The following EML2 variants were observed in gnomAD, a reference collection of about 807,000 sequenced individuals.
The protein encoded by EML2 is EMAP like 2, also known as echinoderm microtubule-associated protein-like 2.
In EML2, 59 loss-of-function variants were observed where a neutral mutation model predicts 84.7. The ratio of observed to expected loss-of-function variants is 0.70; its 90% confidence interval spans 0.56 to 0.86. The LOEUF is 0.86. Among genes scored for constraint, EML2 ranks in the 40% least tolerant of loss-of-function variants. The probability of loss-of-function intolerance (pLI) is 0.00; values close to 1 mark genes in which losing one functional copy is unlikely to be tolerated. For missense variants in EML2, 818 were observed against 855.6 expected (o/e 0.96, Z 0.55); for synonymous variants, 352 against 348.9 (o/e 1.01, Z -0.10).
chr19:45,621,208 T>C lies in EML2; in HGVS notation c.1121A>G (p.Gln374Arg). Reference protein sequence around the residue: ...SVHTGFSLLVQGHVEELWGLA... With the variant: ...SVHTGFSLLVRGHVEELWGLA... ...GGGGTGCAGAGGAGAGAGGCGCACC[T>C]GGACCAGCAGTGAGAAGCCTGTGTG... Residue 374 changes from glutamine to arginine, a missense_variant and splice_region_variant, in exon 11 of 19, where the codon CAG (glutamine) becomes CGG (arginine). Gln to Arg is a conservative substitution (Grantham distance 43). Transcript: ENST00000245925. 6.2e-7 allele frequency: 1 copy of C among 1,613,588 alleles called. No homozygotes were observed. Among genetic ancestry groups the C allele is most frequent in the South Asian group, 1.1e-5 (1 of 91,074 alleles).
chr19:45,613,789 G>A, intron 17 of EML2, 118 bp from the exon 18 acceptor site: 1 of 1,278,302 alleles, frequency 7.8e-7, no homozygotes, highest in Non-Finnish European at 1.1e-6. Context: ...ATCTATCCGA[G>A]GATATGAGTC....
chr19:45,632,172 C>T (rs1189891915), intron 6 of EML2, among the ~76,000 whole-genome samples: 2 of 144,202 alleles, frequency 1.4e-5, no homozygotes, highest in Admixed American at 7.1e-5. Context: ...GGATTACAGG[C>T]GTGAGCCACT....
rs376483984 is a variant in EML2 at position 45,630,619 on chromosome 19, T to A, written c.511-573A>T. Among the ~76,000 whole-genome samples the A allele has an allele frequency of 1.6e-4, 24 of 150,188 alleles. 1 individual carries two copies. In the East Asian group the frequency reaches 3.2e-3, roughly 20 times the overall value. On this transcript the variant is annotated intron_variant, in intron 6 of 18. Transcript: ENST00000245925. Reference sequence around the variant, plus strand: ...GCAGGAAACACATTAAAATACACCCTCCATTAGAAGCTGTGAAGACATCTG... The same window carrying A: ...GCAGGAAACACATTAAAATACACCCACCATTAGAAGCTGTGAAGACATCTG...
chr19:45,644,815 A>G, upstream of EML2: 2 of 456,186 alleles, frequency 4.4e-6, no homozygotes, highest in Non-Finnish European at 8.8e-6. Context: ...TTTGGGAGGT[A>G]TCCTAGAAGC....
intron 14 of EML2, 38 bp downstream of exon 14, chr19:45,616,727 T>C (rs1353102254): frequency 1.3e-6 from 2 of 1,584,822 alleles, no homozygotes. Flanking sequence ...CTCTGTCCCC[T>C]GGCCCTGCCG....
intron 4 of EML2, 73 bp downstream of exon 4, chr19:45,634,249 G>C: frequency 6.3e-7 from 1 of 1,592,416 alleles, no homozygotes. Flanking sequence ...GTGAAAAGAG[G>C]CATAGAGGGG....
chr19:45,631,357 C>T (rs1973004622), intron 6 of EML2, among the ~76,000 whole-genome samples: 1 of 152,076 alleles, frequency 6.6e-6, no homozygotes, highest in Admixed American at 6.6e-5. Context: ...CTCCCTAATC[C>T]ATTGAAGACT....
chr19:45,641,601 C>T (rs544019357), upstream of EML2: 2 of 1,525,404 alleles, frequency 1.3e-6, no homozygotes, highest in Admixed American at 2.0e-5. Flanking sequence ...CCATTTCCTC[C>T]CTATCTCTTT....
Position 45,638,399 on chromosome 19 carries a change from A to G in EML2, c.179+106T>C, listed in dbSNP as rs911652796. On this transcript the variant is annotated intron_variant, in intron 3 of 18. Coordinates refer to ENST00000245925, the MANE Select transcript of EML2 (RefSeq NM_012155.4). ...GCAGGTCTCAAACTCTTGGCCTCAA[A>G]CGATCCTCCCAAAGTGCTGAGATTA... is the stretch of plus-strand genomic sequence containing the variant. 11 of 1,539,732 alleles carry G rather than the reference A, an allele frequency of 7.1e-6. No homozygotes were observed. In the South Asian group the frequency reaches 1.2e-4, roughly 17 times the overall value.
At chr19:45,626,947 C>A in intron 7 of EML2, 108 bp from the exon 8 acceptor site, 11 of 951,626 alleles carry the variant, frequency 1.2e-5, no homozygotes, top group Non-Finnish European at 1.6e-5. Context: ...GTATGCTGCA[C>A]ACCTGAACTT....
upstream of EML2, chr19:45,645,221 G>A (rs1247516009): frequency 2.6e-6 from 4 of 1,509,800 alleles, no homozygotes; most frequent in Admixed American, 4.3e-5. Flanking sequence ...GGCAAGAAGA[G>A]ATGGGTCCAG....
At chr19:45,613,104 G>A (rs1970663312) in intron 18 of EML2, among the ~76,000 whole-genome samples, 1 of 152,048 alleles carries the variant, frequency 6.6e-6, no homozygotes, top group Non-Finnish European at 1.5e-5. Context: ...TCACTTTGTT[G>A]CCCAGGCTGG....
chr19:45,634,892 C>T (rs1253524464), intron 3 of EML2, among the ~76,000 whole-genome samples: 1 of 151,864 alleles, frequency 6.6e-6, no homozygotes, highest in African/African-American at 2.4e-5. Context: ...CGCTCTGTCT[C>T]CAGGCAGCAG....
intron 12 of EML2, among the ~76,000 whole-genome samples, chr19:45,618,533 C>G (rs1051675952): frequency 2.6e-5 from 4 of 152,086 alleles, no homozygotes; most frequent in Non-Finnish European, 5.9e-5. Context: ...TGGCGGCACC[C>G]CTGACAGGAT....
At chr19:45,639,516 T>A (rs369194579), upstream of EML2, 416 of 863,188 alleles carry the variant, frequency 4.8e-4, 3 homozygotes, top group African/African-American at 6.1e-3. Context: ...TCCCACCGGG[T>A]CACACATCCC....
chr19:45,633,384 G>A (rs995947242), intron 4 of EML2, among the ~76,000 whole-genome samples: 1 of 152,036 alleles, frequency 6.6e-6, no homozygotes, highest in Non-Finnish European at 1.5e-5. Context: ...TAGTGGCCAG[G>A]AGAGCACACT....
At chr19:45,613,732 A>T (rs111973634) in intron 17 of EML2, 61 bp from the exon 18 acceptor site, 2 of 1,582,132 alleles carry the variant, frequency 1.3e-6, no homozygotes, top group Admixed American at 3.5e-5. Flanking sequence ...CGCCAAGAGG[A>T]GCAGATTGCC....
In EML2 at chr19:45,614,556, C is replaced by A. The variant is rs562299343; in HGVS notation, c.1693+49G>T. On this transcript the variant is annotated intron_variant, in intron 17 of 18. Transcript: ENST00000245925. ...CTCTGGAAACCACCAGCGGGGATGTCTCTCAGAACTACTGTCCTCAGTGAG... is the reference window on the plus strand; with the variant it reads ...CTCTGGAAACCACCAGCGGGGATGTATCTCAGAACTACTGTCCTCAGTGAG... The A allele has an allele frequency of 9.8e-6, 15 of 1,528,654 alleles. No individual in the cohort carries two copies. The Admixed American group carries it at 1.8e-4, about 19-fold the overall frequency. 94.7% of individuals were successfully genotyped at this position (1,528,654 alleles called of 1,614,324 possible). A position where few individuals can be genotyped will look rare whatever the true frequency, so the allele number is the denominator to read the frequency against.
At chr19:45,616,620 C>G in intron 14 of EML2, 62 bp from the exon 15 acceptor site, 3 of 1,448,746 alleles carry the variant, frequency 2.1e-6, no homozygotes, top group Non-Finnish European at 2.9e-6. Flanking sequence ...CTCGCCCAGA[C>G]TCAGCCCCCT....
Sources: allele counts gnomAD v4.1 joint callset (sites outside exome capture counted in the v4.1 genomes callset), GRCh38; gene constraint gnomAD v4.1.1; transcripts MANE v1.5; gene names NCBI Gene and HGNC (gene_info 2026-07-23, HGNC 2026-07-21).